Variants in IL1RL2 observed in about 807,000 individuals in gnomAD.
IL1RL2 encodes interleukin 1 receptor like 2, also known as interleukin-1 receptor-like 2.
In IL1RL2, 68 loss-of-function variants were observed where a neutral mutation model predicts 66.8. The ratio of observed to expected loss-of-function variants is 1.02; its 90% CI spans 0.84 to 1.25. The LOEUF is 1.25. Among genes scored for constraint, IL1RL2 ranks in the 50% most tolerant of loss-of-function variants. The pLI is 0.00. For synonymous variants in IL1RL2, 305 were observed against 264.6 expected (o/e 1.15, Z -1.48); for missense variants, 729 against 709.3 (o/e 1.03, Z -0.32).
intron 4 of IL1RL2, among the ~76,000 whole-genome samples, chr2:102,199,766 G>A (rs571750141): frequency 6.6e-6 from 1 of 152,302 alleles, no homozygotes; most frequent in African/African-American, 2.4e-5. Context: ...CTCAGCCATG[G>A]AAGCACAGCA....
At chr2:102,206,212 T>A (rs190407595) in intron 5 of IL1RL2, among the ~76,000 whole-genome samples, 46 of 152,324 alleles carry the variant, frequency 3.0e-4, no homozygotes, top group African/African-American at 1.1e-3. Flanking sequence ...GACTGAAACA[T>A]CACATATCTC....
chr2:102,238,337 T>C (rs1193884452), intron 11 of IL1RL2, among the ~76,000 whole-genome samples: 1 of 152,142 alleles, frequency 6.6e-6, no homozygotes, highest in Non-Finnish European at 1.5e-5. Context: ...CCCAGTCACA[T>C]TAAATAAAGG....
chr2:102,204,417 T>G (rs1688527738), intron 5 of IL1RL2, among the ~76,000 whole-genome samples: 1 of 152,140 alleles, frequency 6.6e-6, no homozygotes, highest in Non-Finnish European at 1.5e-5. Flanking sequence ...ATAGTGCAGA[T>G]AAAGTCAGAT....
chr2:102,187,965 G>T, intron 2 of IL1RL2, 40 bp downstream of exon 2: 1 of 1,588,250 alleles, frequency 6.3e-7, no homozygotes, highest in South Asian at 1.1e-5. Context: ...GGCTGCCCGA[G>T]TCCACAGGCT....
Position 102,202,111 on chromosome 2 carries a change from C to T in IL1RL2, c.649+396C>T, listed in dbSNP as rs1048819824. Among the ~76,000 whole-genome samples, 4 of 152,192 alleles carry T rather than the reference C, an allele frequency of 2.6e-5. No individual in the cohort carries two copies. In the East Asian group the frequency reaches 5.8e-4, roughly 22 times the overall value. On this transcript the variant is annotated intron_variant, in intron 5 of 11. Coordinates refer to ENST00000264257, the MANE Select transcript of IL1RL2 (RefSeq NM_003854.4). The stretch of plus-strand genomic sequence containing the variant: ...CTGCGGGCCTTCCAGCTGAGGCCTC[C>T]CCTGCCTCAAGTGCCGCAGAGCTCA...
At position 102,195,713 on chromosome 2, in the gene IL1RL2, C is replaced by CTT. The variant is rs375355881; in HGVS notation, c.489+3603_489+3604dup. Reference sequence around the variant, plus strand: ...TTCTTCCTTCCTTCCTTCTTTCTTTCTTTTTTTTTTTCTTTTTTCAGATGG... The same window carrying CTT: ...TTCTTCCTTCCTTCCTTCTTTCTTTCTTTTTTTTTTTTTCTTTTTTCAGATGG... On this transcript the variant is annotated intron_variant, in intron 4 of 11. Coordinates refer to ENST00000264257, the MANE Select transcript of IL1RL2 (RefSeq NM_003854.4). 9.1e-3 allele frequency among the ~76,000 whole-genome samples: 908 copies of CTT among 99,986 alleles called. 68 individuals carry two copies. Among genetic ancestry groups the CTT allele is most frequent in the Non-Finnish European group, 0.011 (531 of 46,860 alleles). 65.6% of individuals were successfully genotyped at this position (99,986 alleles called of 152,430 possible).
rs373785659 is a variant in IL1RL2 at position 102,235,152 on chromosome 2, C to G, written c.1553C>G (p.Thr518Arg). ...GCCATCCGGTGGCATGGGGACTTCA[C>G]GGAGCAGTCACAGTGTATGAAGACC... ...HGAIRWHGDF[T>R]EQSQCMKTKF... The change falls in exon 11 of 12, where the codon ACG (threonine) becomes AGG (arginine). Residue 518 changes from threonine (T) to arginine (R), a missense_variant. Physicochemically the swap from Thr to Arg is moderately conservative, Grantham distance 71. Coordinates refer to ENST00000264257, the MANE Select transcript of IL1RL2 (RefSeq NM_003854.4). 17 of 1,614,088 alleles carry G rather than the reference C, an allele frequency of 1.1e-5. No individual in the cohort carries two copies. In the East Asian group the frequency reaches 3.8e-4, roughly 36 times the overall value.
intron 11 of IL1RL2, among the ~76,000 whole-genome samples, chr2:102,236,384 T>C (rs997699524): frequency 3.3e-5 from 5 of 152,114 alleles, no homozygotes; most frequent in Admixed American, 6.5e-5. Context: ...GGAGGTGCTG[T>C]GCCCTCGTTC....
Position 102,189,199 on chromosome 2 carries a change from G to A in IL1RL2, c.182G>A (p.Ser61Asn), listed in dbSNP as rs540933400. 175 of 1,614,054 alleles carry A rather than the reference G, an allele frequency of 1.1e-4. 3 individuals are homozygous for A. In the South Asian group the frequency reaches 1.8e-3, roughly 17 times the overall value. The change falls in exon 3 of 12, where the codon AGC becomes AAC. Residue 61 changes from serine (S) to asparagine (N), a missense_variant. Coordinates refer to ENST00000264257, the MANE Select transcript of IL1RL2 (RefSeq NM_003854.4). ...AGTGTAACATGGTATAAAAATTCTA[G>A]CAAAATCCCAGTGTCCAAAATCATA... ...EVSVTWYKNS[S>N]KIPVSKIIQS...
At chr2:102,188,312 C>T (rs918188535) in intron 2 of IL1RL2, among the ~76,000 whole-genome samples, 8 of 152,126 alleles carry the variant, frequency 5.3e-5, no homozygotes, top group Non-Finnish European at 1.2e-4. Flanking sequence ...TGGCCGGGCG[C>T]AGTGGCTCAT....
chr2:102,211,943 C>T (rs536069747), intron 5 of IL1RL2, among the ~76,000 whole-genome samples, 157 bp from the exon 6 acceptor site: 2 of 150,226 alleles, frequency 1.3e-5, no homozygotes, highest in African/African-American at 4.9e-5. Context: ...TTTGGCAATT[C>T]AGTTACTTCT....
At chr2:102,240,988 A>G (rs1326128778), downstream of IL1RL2, among the ~76,000 whole-genome samples, 3 of 152,256 alleles carry the variant, frequency 2.0e-5, no homozygotes, top group Non-Finnish European at 4.4e-5. Flanking sequence ...GTGCCTGCCT[A>G]CGGCGCCATT....
chr2:102,232,885 G>A, intron 9 of IL1RL2, 78 bp from the exon 10 acceptor site: 1 of 1,514,332 alleles, frequency 6.6e-7, no homozygotes, highest in Non-Finnish European at 9.0e-7. Flanking sequence ...CACCATGGTA[G>A]CCGCTCAGGC....
rs559561406 is a variant in IL1RL2, at chr2:102,236,723, T to G, written c.1678+1446T>G. Among the ~76,000 whole-genome samples, 4 of 152,338 alleles carry G rather than the reference T, an allele frequency of 2.6e-5. No individual in the cohort carries two copies. In the East Asian group the frequency reaches 7.7e-4, roughly 29 times the overall value. ...CTGAAATTCTGTGCCCATTAAGCTA[T>G]GCCTCCCTATTGCCTTCCCATTGCC... On this transcript the variant is annotated intron_variant, in intron 11 of 11. Transcript: ENST00000264257.
At chr2:102,231,722 C>T (rs1691154545) in intron 9 of IL1RL2, among the ~76,000 whole-genome samples, 1 of 152,168 alleles carries the variant, frequency 6.6e-6, no homozygotes, top group Admixed American at 6.5e-5. Flanking sequence ...TTGGCCAATG[C>T]AGGGGCTGCT....
At position 102,201,609 on chromosome 2, in the gene IL1RL2, G is replaced by A. The variant is rs909535950; in HGVS notation, c.543G>A (p.Leu181=). ...TCACTGTTTTGGAAACCAGGCTTTT[G>A]GTGAGCAATGTCTCGGCAGAGGACA... ...ERFTVLETRL[L]VSNVSAEDRG... The change falls in exon 5 of 12, where the codon TTG becomes TTA. Residue 181 remains leucine, a synonymous_variant. Coordinates refer to ENST00000264257, the MANE Select transcript of IL1RL2 (RefSeq NM_003854.4). The A allele has an allele frequency of 1.2e-6, 2 of 1,613,992 alleles. No homozygotes were observed. The highest frequency in any genetic ancestry group is 1.7e-5 in the Admixed American group (1 of 59,982).
intron 10 of IL1RL2, among the ~76,000 whole-genome samples, chr2:102,234,212 T>C (rs1327197909): frequency 6.6e-6 from 1 of 152,268 alleles, no homozygotes. Flanking sequence ...TTCAGCTAAC[T>C]ACATTTTCCT....
chr2:102,189,314 A>G lies in IL1RL2; in HGVS notation c.293+4A>G. The G allele has an allele frequency of 6.4e-7, 1 of 1,560,784 alleles. No individual in the cohort carries two copies. The highest frequency in any genetic ancestry group is 8.8e-7 in the Non-Finnish European group (1 of 1,140,722). ...GAGTCTACCAATGTGTTATAAAGTA[A>G]GTTCCTAATTTAAAATAGAACTAAC... On this transcript the variant is annotated splice_donor_region_variant and intron_variant, in intron 3 of 11. Transcript: ENST00000264257.
At chr2:102,210,044 C>CA (rs34470335) in intron 5 of IL1RL2, among the ~76,000 whole-genome samples, 42,575 of 151,824 alleles carry the variant, frequency 0.28, 6,593 homozygotes, top group East Asian at 0.38. Context: ...AAGATGAAAG[C>CA]GTGAAGGAAA....
Sources: gnomAD v4.1 joint callset for allele counts (sites outside exome capture counted in the v4.1 genomes callset) on GRCh38, gnomAD v4.1.1 for gene constraint, MANE v1.5 for transcripts, NCBI Gene and HGNC (gene_info 2026-07-23, HGNC 2026-07-21) for gene names.